Variants in PECR observed in about 807,000 individuals in gnomAD.
PECR encodes the protein peroxisomal trans-2-enoyl-CoA reductase.
Under a neutral mutation model 35.3 loss-of-function variants are expected in PECR, and 30 were observed. The ratio of observed to expected loss-of-function variants is 0.85; its 90% CI spans 0.64 to 1.15. PECR has a LOEUF of 1.15. Ranked by LOEUF, PECR falls within the 50% of genes most tolerant of loss-of-function variation. The pLI, the probability that PECR is intolerant of heterozygous loss-of-function variation, is 0.00. For missense variants in PECR, 392 were observed against 370.8 expected (o/e 1.06, Z -0.47); for synonymous variants, 148 against 138.9 (o/e 1.07, Z -0.46).
At chr2:216,078,604 A>G (rs890040053) in intron 1 of PECR, among the ~76,000 whole-genome samples, 1 of 151,802 alleles carries the variant, frequency 6.6e-6, no homozygotes, top group Non-Finnish European at 1.5e-5. Context: ...AAAAAAAAAG[A>G]AAAAGATTTT....
chr2:216,031,625 G>T (rs1195593446), intron 7 of PECR, among the ~76,000 whole-genome samples: 3 of 122,308 alleles, frequency 2.5e-5, no homozygotes, highest in Non-Finnish European at 5.2e-5. Context: ...AGAAAGAAAG[G>T]AACAAGGAAG....
chr2:216,042,007 G>A (rs1317295809), intron 7 of PECR, among the ~76,000 whole-genome samples: 1 of 152,210 alleles, frequency 6.6e-6, no homozygotes, highest in Non-Finnish European at 1.5e-5. Flanking sequence ...TTCCTGAGTT[G>A]TGTGAGCTGC....
chr2:216,068,648 G>A (rs1695520835), intron 1 of PECR, among the ~76,000 whole-genome samples: 1 of 151,964 alleles, frequency 6.6e-6, no homozygotes, highest in Non-Finnish European at 1.5e-5. Flanking sequence ...TGGTTCGTGT[G>A]TTTGTTTTTG....
At chr2:216,073,173 A>G (rs1339784514) in intron 1 of PECR, among the ~76,000 whole-genome samples, 1 of 152,200 alleles carries the variant, frequency 6.6e-6, no homozygotes, top group Non-Finnish European at 1.5e-5. Context: ...ACAAAAACAT[A>G]CGTTATACTG....
Position 216,039,199 on chromosome 2 carries a change from A to G in PECR, c.*76T>C, listed in dbSNP as rs1420974097. The G allele has an allele frequency of 1.2e-6, 1 of 832,462 alleles. No individual in the cohort carries two copies. The highest frequency in any genetic ancestry group is 2.4e-5 in the East Asian group (1 of 41,116). 51.6% of individuals were successfully genotyped at this position (832,462 alleles called of 1,614,324 possible). A position where few individuals can be genotyped will look rare whatever the true frequency, so the allele number is the denominator to read the frequency against. ...AAAAATGTTTTCCATACCAACTATA[A>G]GCTTTTAAAAAGTACAGAAGCATAT... On this transcript the variant is annotated 3_prime_UTR_variant, in exon 8 of 8. Coordinates refer to ENST00000265322, the MANE Select transcript of PECR (RefSeq NM_018441.6).
At chr2:216,056,897 G>T (rs578025157) in intron 4 of PECR, among the ~76,000 whole-genome samples, 1 of 152,092 alleles carries the variant, frequency 6.6e-6, no homozygotes, top group Admixed American at 6.5e-5. Context: ...GAAGGCCACT[G>T]GAAAAGGAAA....
downstream of PECR, among the ~76,000 whole-genome samples, chr2:216,038,086 AAAATAAAT>A (rs555404475): frequency 1.3e-5 from 2 of 151,812 alleles, no homozygotes; most frequent in African/African-American, 4.8e-5. Flanking sequence ...CTCCATCTTA[AAAATAAAT>A]AAATAAATAA....
chr2:216,046,821 A>G (rs1695006131), intron 6 of PECR, among the ~76,000 whole-genome samples: 1 of 152,242 alleles, frequency 6.6e-6, no homozygotes. Flanking sequence ...CTCACCCAAG[A>G]GTACATGATT....
intron 1 of PECR, among the ~76,000 whole-genome samples, chr2:216,076,414 TG>T (rs751487885): frequency 1.6e-4 from 25 of 152,194 alleles, no homozygotes; most frequent in Admixed American, 5.2e-4. Flanking sequence ...GATGTAGTCT[TG>T]AGAAGTGAAA....
chr2:216,051,478 T>G lies in PECR; in HGVS notation c.574A>C (p.Ser192Arg), dbSNP rs202239940. Residue 192 changes from serine to arginine, a missense_variant, in exon 5 of 8, where the codon AGT becomes CGT. Transcript: ENST00000265322. ...TKSLALEWAC[S>R]GIRINCVAPG... ...GCAACACAATTGATCCGTATTCCACTGCAGGCCCATTCCAAAGCTAAAGAT... is the reference window on the plus strand; with the variant it reads ...GCAACACAATTGATCCGTATTCCACGGCAGGCCCATTCCAAAGCTAAAGAT... 4 of 1,611,290 alleles carry G rather than the reference T, an allele frequency of 2.5e-6. No homozygotes were observed. The highest frequency in any genetic ancestry group is 3.4e-6 in the Non-Finnish European group (4 of 1,177,374).
At chr2:216,034,753 C>T (rs1256258944), downstream of PECR, among the ~76,000 whole-genome samples, 2 of 152,066 alleles carry the variant, frequency 1.3e-5, no homozygotes, top group African/African-American at 4.8e-5. Context: ...GGGGAGTGGG[C>T]GCTCCAGGGG....
chr2:216,040,122 A>G (rs1021657916), intron 7 of PECR, among the ~76,000 whole-genome samples: 3 of 152,168 alleles, frequency 2.0e-5, no homozygotes, highest in East Asian at 1.9e-4. Flanking sequence ...GAAACAGGGG[A>G]AAAACTTGTC....
chr2:216,046,903 TTGA>T (rs1160619005), intron 6 of PECR, among the ~76,000 whole-genome samples: 1 of 152,224 alleles, frequency 6.6e-6, no homozygotes, highest in Non-Finnish European at 1.5e-5. Flanking sequence ...ATAATGGGAT[TTGA>T]TGATATTATA....
At chr2:216,073,175 G>A (rs140208820) in intron 1 of PECR, among the ~76,000 whole-genome samples, 72 of 152,228 alleles carry the variant, frequency 4.7e-4, no homozygotes, top group African/African-American at 1.6e-3. Context: ...AAAAACATAC[G>A]TTATACTGTT....
intron 7 of PECR, among the ~76,000 whole-genome samples, chr2:216,041,419 A>C (rs1280908346): frequency 6.6e-6 from 1 of 152,200 alleles, no homozygotes; most frequent in African/African-American, 2.4e-5. Context: ...AGACCCTTAA[A>C]ACTACAGTAT....
At chr2:216,071,933 C>T (rs1468976447) in intron 1 of PECR, among the ~76,000 whole-genome samples, 1 of 152,178 alleles carries the variant, frequency 6.6e-6, no homozygotes, top group Non-Finnish European at 1.5e-5. Context: ...TTCCCATTGA[C>T]TATTTTTGCT....
intron 1 of PECR, among the ~76,000 whole-genome samples, chr2:216,074,493 A>AAAGGAAGG (rs751542181): frequency 0.11 from 14,861 of 132,888 alleles, 983 homozygotes; most frequent in Admixed American, 0.17. Flanking sequence ...AGAAAGAAAA[A>AAAGGAAGG]AAGGAAGGAA....
chr2:216,031,349 G>A (rs958186304), intron 7 of PECR, among the ~76,000 whole-genome samples: 3 of 151,684 alleles, frequency 2.0e-5, no homozygotes, highest in Non-Finnish European at 2.9e-5. Context: ...AGAGGTTGCA[G>A]TGAGCTGAGA....
At chr2:216,072,564 C>T (rs1261142701) in intron 1 of PECR, among the ~76,000 whole-genome samples, 1 of 152,142 alleles carries the variant, frequency 6.6e-6, no homozygotes, top group Admixed American at 6.5e-5. Context: ...TGTTATTCTA[C>T]TCTGTATGTC....
Sources: gnomAD v4.1 joint callset for allele counts (sites outside exome capture counted in the v4.1 genomes callset) on GRCh38, gnomAD v4.1.1 for gene constraint, MANE v1.5 for transcripts, NCBI Gene and HGNC (gene_info 2026-07-23, HGNC 2026-07-21) for gene names.